DNAH6: variants seen among roughly 807,000 people sequenced by gnomAD.
DNAH6 encodes the protein dynein axonemal heavy chain 6.
In DNAH6, 340 loss-of-function variants were observed where a neutral mutation model predicts 491.4. The ratio of observed to expected loss-of-function variants is 0.69; its 90% confidence interval spans 0.63 to 0.76. The LOEUF (loss-of-function observed/expected upper bound fraction) is 0.76. Among genes scored for constraint, DNAH6 ranks in the 30% least tolerant of loss-of-function variants. The pLI, the probability that DNAH6 is intolerant of heterozygous loss-of-function variation, is 0.00. For synonymous variants in DNAH6, 1,603 were observed against 1,686.1 expected (o/e 0.95, Z 1.21); for missense variants, 4,443 against 4,972.2 (o/e 0.89, Z 3.20).
At chr2:84,696,058 T>G (rs1231318750) in intron 46 of DNAH6, among the ~76,000 whole-genome samples, 1 of 151,942 alleles carries the variant, frequency 6.6e-6, no homozygotes, top group East Asian at 1.9e-4. Context: ...AGAAACAAGA[T>G]GTTAAAAATA....
the DNAH6 span, among the ~76,000 whole-genome samples, chr2:84,495,580 A>G: frequency 6.6e-6 from 1 of 152,196 alleles, no homozygotes; most frequent in Non-Finnish European, 1.5e-5. Flanking sequence ...ACATATTCAC[A>G]TTGGTTCAAT....
the DNAH6 span, among the ~76,000 whole-genome samples, chr2:84,485,536 G>A: frequency 6.6e-6 from 1 of 152,138 alleles, no homozygotes; most frequent in African/African-American, 2.4e-5. Context: ...GACCTAGGAT[G>A]AGTAAGTTGG....
At chr2:84,707,776 T>C (rs978184681) in intron 54 of DNAH6, 60 bp downstream of exon 54, 1 of 1,370,462 alleles carries the variant, frequency 7.3e-7, no homozygotes, top group Non-Finnish European at 1.0e-6. Flanking sequence ...GAGCCAGGGG[T>C]GGTTCATTTT....
intron 37 of DNAH6, among the ~76,000 whole-genome samples, chr2:84,662,840 G>T (rs907061068): frequency 6.6e-6 from 1 of 152,186 alleles, no homozygotes; most frequent in South Asian, 2.1e-4. Flanking sequence ...TAGCCTAACT[G>T]GGAGATATCT....
chr2:84,780,267 G>C (rs1676552623), intron 64 of DNAH6, among the ~76,000 whole-genome samples: 1 of 152,136 alleles, frequency 6.6e-6, no homozygotes, highest in Admixed American at 6.5e-5. Context: ...TCTCAGGAAT[G>C]CCAGTATGGC....
intron 37 of DNAH6, among the ~76,000 whole-genome samples, chr2:84,665,450 G>A (rs1023368535): frequency 4.6e-5 from 7 of 151,990 alleles, no homozygotes; most frequent in African/African-American, 7.3e-5. Flanking sequence ...TACAAACTAC[G>A]ATCAGAGAAT....
intron 4 of DNAH6, among the ~76,000 whole-genome samples, chr2:84,542,249 C>G (rs978486122): frequency 2.6e-5 from 4 of 152,074 alleles, no homozygotes; most frequent in African/African-American, 9.7e-5. Context: ...GCTTTGATGC[C>G]TGATGTTAAT....
At chr2:84,728,085 C>A (rs1475793295) in intron 61 of DNAH6, among the ~76,000 whole-genome samples, 183 bp downstream of exon 61, 1 of 152,156 alleles carries the variant, frequency 6.6e-6, no homozygotes, top group Non-Finnish European at 1.5e-5. Flanking sequence ...TCTCATGAGA[C>A]CTGATGGTTT....
chr2:84,756,504 A>G (rs967767110), intron 63 of DNAH6, among the ~76,000 whole-genome samples: 13 of 152,312 alleles, frequency 8.5e-5, no homozygotes, highest in Admixed American at 8.5e-4. Context: ...AAGAAGTGTA[A>G]GGACAAGGGT....
At chr2:84,621,598 G>C in intron 26 of DNAH6, 47 bp downstream of exon 26, 1 of 1,248,658 alleles carries the variant, frequency 8.0e-7, no homozygotes, top group Non-Finnish European at 1.1e-6. Context: ...AGATGGTCTT[G>C]GTGGGTTTTT....
At chr2:84,502,169 G>A in the DNAH6 span, among the ~76,000 whole-genome samples, 4 of 151,902 alleles carry the variant, frequency 2.6e-5, no homozygotes, top group African/African-American at 9.7e-5. Flanking sequence ...AGCTATAAAC[G>A]TCCCTCTTGG....
chr2:84,636,387 G>A (rs946174366), intron 30 of DNAH6, among the ~76,000 whole-genome samples: 1 of 152,138 alleles, frequency 6.6e-6, no homozygotes, highest in African/African-American at 2.4e-5. Flanking sequence ...CAGGTCCCAA[G>A]CAGGTTGTCT....
Position 84,815,961 on chromosome 2 carries a change from A to G in DNAH6, c.12251A>G (p.Gln4084Arg), listed in dbSNP as rs1160794662. 1.9e-6 allele frequency: 3 copies of G among 1,552,000 alleles called. No individual in the cohort carries two copies. The highest frequency in any genetic ancestry group is 2.6e-6 in the Non-Finnish European group (3 of 1,147,066). Residue 4084 changes from glutamine to arginine, a missense_variant, in exon 76 of 77, where the codon CAG (glutamine) becomes CGG (arginine). Gln to Arg is a conservative substitution (Grantham distance 43). This residue lies in a region of DNAH6 where 1,463 missense variants were observed against 1,656.6 expected (regional missense o/e 0.88). Coordinates refer to ENST00000389394, the MANE Select transcript of DNAH6 (RefSeq NM_001370.2). ...GTGATAGAAGATGCATTGCCCGGAC[A>G]GATGAATCCAGTGCTGCCTGTGGTG... Reference protein sequence around the residue: ...EMVIEDALPGQMNPVLPVVHF... With the variant: ...EMVIEDALPGRMNPVLPVVHF...
At position 84,640,723 on chromosome 2, in the gene DNAH6, A is replaced by G. The variant is rs577936521; in HGVS notation, c.4970+145A>G. On this transcript the variant is annotated intron_variant, in intron 32 of 76. Coordinates refer to ENST00000389394, the MANE Select transcript of DNAH6 (RefSeq NM_001370.2). ...GTCATCATTCTTACCTTGACACTCC[A>G]TGACAGATTGACACAGGCTCTCTCT... 519 of 746,314 alleles carry G rather than the reference A, an allele frequency of 7.0e-4. 1 individual carries two copies. Among genetic ancestry groups the G allele is most frequent in the Non-Finnish European group, 1.0e-3 (483 of 466,624 alleles). 46.2% of individuals were successfully genotyped at this position (746,314 alleles called of 1,614,324 possible).
chr2:84,469,447 C>T, the DNAH6 span, among the ~76,000 whole-genome samples: 1 of 152,194 alleles, frequency 6.6e-6, no homozygotes. This position sits in a 1 kb window ranked among gnomAD's most constrained non-coding sequence, Gnocchi z 4.0. Flanking sequence ...CCTAGATGGG[C>T]CCCGTCATCT....
intron 66 of DNAH6, 120 bp downstream of exon 66, chr2:84,784,930 G>T: frequency 1.5e-6 from 1 of 680,430 alleles, no homozygotes; most frequent in Non-Finnish European, 2.5e-6. Flanking sequence ...GCCAGCATGG[G>T]GAGGTGAAGT....
At chr2:84,648,590 G>A (rs1690118998) in intron 33 of DNAH6, among the ~76,000 whole-genome samples, 1 of 152,230 alleles carries the variant, frequency 6.6e-6, no homozygotes, top group Non-Finnish European at 1.5e-5. Context: ...CCTCAGTGGA[G>A]GAAGTAACTA....
chr2:84,570,579 A>G (rs1221219841), intron 11 of DNAH6, among the ~76,000 whole-genome samples: 2 of 152,170 alleles, frequency 1.3e-5, no homozygotes, highest in African/African-American at 4.8e-5. Flanking sequence ...AAAGGATTAT[A>G]AATGCACCAA....
chr2:84,668,897 T>C (rs991699802), intron 37 of DNAH6, among the ~76,000 whole-genome samples: 9 of 151,160 alleles, frequency 6.0e-5, no homozygotes, highest in Admixed American at 2.0e-4. Context: ...TATTTCCCCA[T>C]GGGTATTAAC....
Sources: gnomAD v4.1 joint callset for allele counts (sites outside exome capture counted in the v4.1 genomes callset) on GRCh38, gnomAD v4.1.1 for gene constraint, gnomAD v4.1.1 regional missense constraint, Gnocchi (gnomAD v3.1) non-coding constraint, MANE v1.5 for transcripts, NCBI Gene and HGNC (gene_info 2026-07-23, HGNC 2026-07-21) for gene names.